Variants in DMD observed in about 807,000 individuals in gnomAD.
DMD encodes the protein mutant dystrophin.
In DMD, 63 loss-of-function variants were observed where a neutral mutation model predicts 330.1. The ratio of observed to expected loss-of-function variants is 0.19; its 90% CI spans 0.16 to 0.24. The LOEUF (loss-of-function observed/expected upper bound fraction) is 0.24. Ranked by LOEUF, DMD falls within the 10% of genes least tolerant of loss-of-function variation. DMD has a pLI of 1.00. For missense variants in DMD, 3,344 were observed against 2,684.1 expected (o/e 1.25, Z -5.43); for synonymous variants, 1,223 against 959.8 (o/e 1.27, Z -5.07).
At chrX:31,682,856 G>A (rs2082459379) in intron 52 of DMD, among the ~76,000 whole-genome samples, 1 of 111,817 alleles carries the variant, frequency 8.9e-6, no homozygotes, top group South Asian at 3.7e-4. Context: ...ATTTCAATAG[G>A]GAAAACAGTC....
In DMD at chrX:32,636,674, A is replaced by T. The variant is rs1010950576; in HGVS notation, c.1331+7458T>A. Among the ~76,000 whole-genome samples, 7 of 111,956 alleles carry T rather than the reference A, an allele frequency of 6.3e-5. No individual in the cohort carries two copies. In the Admixed American group the frequency reaches 6.6e-4, roughly 11 times the overall value. On this transcript the variant is annotated intron_variant, in intron 11 of 78. Coordinates refer to ENST00000357033, the MANE Select transcript of DMD (RefSeq NM_004006.3). ...ACATAAATTCAGTTTAGTAACAATAACATAAAGAAGCTGCGTGGCTGGATG... is the reference window on the plus strand; with the variant it reads ...ACATAAATTCAGTTTAGTAACAATATCATAAAGAAGCTGCGTGGCTGGATG...
At chrX:32,533,971 T>C (rs1485360708) in intron 17 of DMD, among the ~76,000 whole-genome samples, 1 of 112,122 alleles carries the variant, frequency 8.9e-6, no homozygotes, top group African/African-American at 3.3e-5. Flanking sequence ...TGACGTGTAC[T>C]TAATGCCCCA....
chrX:31,368,306 T>C (rs891108956), intron 60 of DMD, among the ~76,000 whole-genome samples: 1 of 112,499 alleles, frequency 8.9e-6, no homozygotes, highest in Admixed American at 9.4e-5. Flanking sequence ...TTCCTTTTTG[T>C]ATTTATACTT....
intron 47 of DMD, among the ~76,000 whole-genome samples, chrX:31,906,340 GAT>G: frequency 8.9e-6 from 1 of 112,014 alleles, no homozygotes; most frequent in Middle Eastern, 4.6e-3. Context: ...AGAACAGACT[GAT>G]ATATTTCATT....
intron 49 of DMD, among the ~76,000 whole-genome samples, chrX:31,823,061 C>T (rs1431535176): frequency 1.8e-5 from 2 of 111,664 alleles, no homozygotes; most frequent in Admixed American, 9.5e-5. Flanking sequence ...GATTGTACGA[C>T]CCAACCCCAG....
rs748565482 is a variant in DMD, at chrX:32,260,580, T to A, written c.6290+26949A>T. On this transcript the variant is annotated intron_variant, in intron 43 of 78. Coordinates refer to ENST00000357033, the MANE Select transcript of DMD (RefSeq NM_004006.3). ...CCAATTACATTTAGAAATTTGAATCTAGAATTGAGAAAGGTAGAGTCAGTA... is the reference window on the plus strand; with the variant it reads ...CCAATTACATTTAGAAATTTGAATCAAGAATTGAGAAAGGTAGAGTCAGTA... Among the ~76,000 whole-genome samples, 3 of 111,732 alleles carry A rather than the reference T, an allele frequency of 2.7e-5. No individual in the cohort carries two copies. The East Asian group carries it at 8.5e-4, about 32-fold the overall frequency.
At chrX:32,037,749 A>G (rs1000004757) in intron 44 of DMD, among the ~76,000 whole-genome samples, 8 of 111,971 alleles carry the variant, frequency 7.1e-5, no homozygotes, top group South Asian at 3.7e-4. Flanking sequence ...TAAATTAGAA[A>G]GTAACTAGCA....
intron 44 of DMD, among the ~76,000 whole-genome samples, chrX:32,107,623 G>A (rs73219212): frequency 0.21 from 23,384 of 109,435 alleles, 3,096 homozygotes; most frequent in African/African-American, 0.49. Context: ...ATTCCCTTTT[G>A]CTCAGGGGAG....
At chrX:33,316,590 A>C (rs1488833869) in intron 1 of DMD, among the ~76,000 whole-genome samples, 1 of 111,571 alleles carries the variant, frequency 9.0e-6, no homozygotes, top group Admixed American at 9.6e-5. Flanking sequence ...AGTTTCCTTC[A>C]TTGAATTGCT....
In DMD at chrX:32,463,583, A is replaced by G; in HGVS notation, c.3288T>C (p.Ser1096=). The G allele has an allele frequency of 8.7e-7, 1 of 1,154,696 alleles. No individual in the cohort carries two copies. The highest frequency in any genetic ancestry group is 1.2e-6 in the Non-Finnish European group (1 of 864,398). The part of the protein sequence containing the change: ...KQLKQCRLLV[S]DIQTIQPSLN... ...GACTGGGCTGAATTGTCTGAATATC[A>G]CTGACTAAAAGCTAAGAAAATAAAT... Residue 1096 remains serine, a synonymous_variant, in exon 25 of 79, where the codon AGT becomes AGC. Coordinates refer to ENST00000357033, the MANE Select transcript of DMD (RefSeq NM_004006.3).
chrX:31,763,419 C>G (rs370192535), intron 51 of DMD, among the ~76,000 whole-genome samples: 2 of 111,213 alleles, frequency 1.8e-5, no homozygotes, highest in Non-Finnish European at 3.8e-5. Flanking sequence ...AAAAATTAGC[C>G]GGGTGTGGTG....
rs146588276 is a variant in DMD, at chrX:33,024,134, T to C, written c.32-3934A>G. 6.2e-5 allele frequency among the ~76,000 whole-genome samples: 7 copies of C among 112,006 alleles called. No individual in the cohort carries two copies. The Admixed American group carries it at 6.7e-4, about 11-fold the overall frequency. ...TGTTCTAGAAACTATTTTGATACGT[T>C]AACATGATGTCTATTTCTGTAGTCA... On this transcript the variant is annotated intron_variant, in intron 1 of 78. Coordinates refer to ENST00000357033, the MANE Select transcript of DMD (RefSeq NM_004006.3).
intron 44 of DMD, among the ~76,000 whole-genome samples, chrX:32,163,656 C>T (rs1408811948): frequency 9.0e-6 from 1 of 111,660 alleles, no homozygotes; most frequent in Non-Finnish European, 1.9e-5. Flanking sequence ...CATGTAAAAG[C>T]TGGTGAGATC....
chrX:31,284,864 C>CACACACA (rs1569517175), intron 62 of DMD, among the ~76,000 whole-genome samples: 5 of 84,585 alleles, frequency 5.9e-5, no homozygotes, highest in Non-Finnish European at 1.2e-4. Context: ...ACACACACAC[C>CACACACA]CACACCCACA....
chrX:32,738,408 G>A (rs1169554657), intron 7 of DMD, among the ~76,000 whole-genome samples: 1 of 111,476 alleles, frequency 9.0e-6, no homozygotes, highest in Non-Finnish European at 1.9e-5. Context: ...TGTATAATAT[G>A]GGTAAATTCC....
At chrX:31,290,786 G>GCAAA (rs779301151) in intron 62 of DMD, among the ~76,000 whole-genome samples, 2 of 111,624 alleles carry the variant, frequency 1.8e-5, no homozygotes, top group African/African-American at 6.5e-5. Context: ...CAAGGCAAAA[G>GCAAA]CAAACAAACA....
intron 1 of DMD, among the ~76,000 whole-genome samples, chrX:33,225,848 A>T (rs2052276844): frequency 9.0e-6 from 1 of 111,031 alleles, no homozygotes; most frequent in Non-Finnish European, 1.9e-5. Context: ...CTAAATGAAG[A>T]ATTCATGTAA....
At chrX:32,687,181 G>A (rs1363653991) in intron 9 of DMD, among the ~76,000 whole-genome samples, 1 of 112,007 alleles carries the variant, frequency 8.9e-6, no homozygotes, top group Non-Finnish European at 1.9e-5. Context: ...CTGGATATTT[G>A]AAGATCTGTA....
intron 2 of DMD, among the ~76,000 whole-genome samples, chrX:32,920,394 T>C (rs1779519118): frequency 8.9e-6 from 1 of 111,772 alleles, no homozygotes; most frequent in African/African-American, 3.2e-5. Context: ...AGTTTCTGTG[T>C]CTGTGAAATT....
Sources: gnomAD v4.1 joint callset for allele counts (sites outside exome capture counted in the v4.1 genomes callset) on GRCh38, gnomAD v4.1.1 for gene constraint, MANE v1.5 for transcripts, NCBI Gene and HGNC (gene_info 2026-07-23, HGNC 2026-07-21) for gene names.